Variants in ZYG11A observed in about 807,000 individuals in gnomAD.
ZYG11A encodes the protein zyg-11 family member A, cell cycle regulator.
Under a neutral mutation model 77.2 loss-of-function variants are expected in ZYG11A, and 62 were observed. The ratio of observed to expected loss-of-function variants is 0.80; its 90% CI spans 0.65 to 0.99. The LOEUF is 0.99. Among genes scored for constraint, ZYG11A ranks in the 50% least tolerant of loss-of-function variants. The pLI is 0.00. For synonymous variants in ZYG11A, 315 were observed against 324.6 expected (o/e 0.97, Z 0.32); for missense variants, 828 against 896.8 (o/e 0.92, Z 0.98).
chr1:52,877,575 C>T (rs1339643364), intron 8 of ZYG11A, 107 bp from the exon 9 acceptor site: 1 of 866,530 alleles, frequency 1.2e-6, no homozygotes, highest in South Asian at 2.0e-5. Flanking sequence ...AGTGGCAGAA[C>T]TTGGGTTTAG....
In ZYG11A at chr1:52,894,175, A is replaced by G. The variant is rs910312099; in HGVS notation, c.*1218A>G. 6.6e-6 allele frequency: 1 copy of G among 152,136 alleles called. No homozygotes were observed. The highest frequency in any genetic ancestry group is 2.4e-5 in the African/African-American group (1 of 41,414). The allele number at this position is 152,136 out of a possible 1,614,324, so 9.4% of individuals were successfully genotyped here. On this transcript the variant is annotated 3_prime_UTR_variant, in exon 14 of 14. Transcript: ENST00000371528. ...GTTATGTGAGCATGACATGCTGTGT[A>G]TGTGAGTGAGCTTGTAGGGCGTGGT...
chr1:52,869,954 C>CG lies in ZYG11A; in HGVS notation c.1542+2183dup, dbSNP rs552529799. On this transcript the variant is annotated intron_variant, in intron 8 of 13. Coordinates refer to ENST00000371528, the MANE Select transcript of ZYG11A (RefSeq NM_001004339.3). ...CTCCCAGACAGGGTGGCTGGCCGGG[C>CG]GGGGGGCTGACCCCCCCCCACCCCC... Among the ~76,000 whole-genome samples the CG allele has an allele frequency of 3.0e-4, 38 of 127,698 alleles. 4 individuals are homozygous for CG. The South Asian group carries it at 9.8e-3, about 33-fold the overall frequency. The allele number at this position is 127,698 out of a possible 152,430, so 83.8% of individuals were successfully genotyped here. A position where few individuals can be genotyped will look rare whatever the true frequency, so the allele number is the denominator to read the frequency against.
At position 52,885,889 on chromosome 1, in the gene ZYG11A, C is replaced by CTAT. The variant is rs1646441033; in HGVS notation, c.2002_2004dup (p.Tyr668dup). The CTAT allele has an allele frequency of 6.5e-7, 1 of 1,540,614 alleles. No homozygotes were observed. Among genetic ancestry groups the CTAT allele is most frequent in the Non-Finnish European group, 8.8e-7 (1 of 1,142,682 alleles). ...GTTGTAAGATGACAGCATTGGTGAC[C>CTAT]TATAGGTAATTTCATGGTGTTGTGC... On this transcript the variant is annotated inframe_insertion, in exon 12 of 14. Transcript: ENST00000371528.
chr1:52,866,705 C>G (rs1646033257), intron 6 of ZYG11A, 138 bp downstream of exon 6: 3 of 536,912 alleles, frequency 5.6e-6, no homozygotes, highest in African/African-American at 3.9e-5. Flanking sequence ...TTAGAAGTAC[C>G]CTACTAGAAA....
At chr1:52,859,787 C>T (rs1321475483) in intron 3 of ZYG11A, among the ~76,000 whole-genome samples, 1 of 146,680 alleles carries the variant, frequency 6.8e-6, no homozygotes, top group Admixed American at 7.1e-5. Context: ...AAGTGATTCT[C>T]CTGGCTCAGC....
At chr1:52,866,470 T>C in intron 5 of ZYG11A, 33 bp from the exon 6 acceptor site, 1 of 1,207,156 alleles carries the variant, frequency 8.3e-7, no homozygotes, top group Non-Finnish European at 1.2e-6. Context: ...ATGTTACATT[T>C]GTTCAAAATT....
At chr1:52,869,967 C>G (rs1018362809) in intron 8 of ZYG11A, among the ~76,000 whole-genome samples, 5 of 146,216 alleles carry the variant, frequency 3.4e-5, no homozygotes, top group Admixed American at 2.7e-4. Context: ...GGGGCTGACC[C>G]CCCCCCACCC....
In ZYG11A at chr1:52,857,892, T is replaced by G. The variant is rs143602347; in HGVS notation, c.1008+143T>G. 1.7e-3 allele frequency: 1,005 copies of G among 594,776 alleles called. 10 individuals are homozygous for G. In the African/African-American group the frequency reaches 0.017, roughly 10 times the overall value. The allele number at this position is 594,776 out of a possible 1,614,324, so 36.8% of individuals were successfully genotyped here. A position where few individuals can be genotyped will look rare whatever the true frequency, so the allele number is the denominator to read the frequency against. On this transcript the variant is annotated intron_variant, in intron 3 of 13. Coordinates refer to ENST00000371528, the MANE Select transcript of ZYG11A (RefSeq NM_001004339.3). ...AAGAGCTTTTTTAATAATTAATGAT[T>G]ATTATGTACCTACTATGTGGAAGGT...
chr1:52,842,996 C>G, intron 1 of ZYG11A, 23 bp downstream of exon 1: 2 of 1,494,142 alleles, frequency 1.3e-6, no homozygotes, highest in Non-Finnish European at 1.8e-6. Flanking sequence ...GTGCGGGCGG[C>G]GACGCGGACC....
intron 13 of ZYG11A, among the ~76,000 whole-genome samples, chr1:52,888,154 A>C (rs1456905261): frequency 6.6e-6 from 1 of 152,236 alleles, no homozygotes; most frequent in Non-Finnish European, 1.5e-5. Flanking sequence ...GACATGCAGT[A>C]AACTATGAGA....
intron 4 of ZYG11A, among the ~76,000 whole-genome samples, chr1:52,861,604 T>G (rs1481378667): frequency 6.6e-6 from 1 of 152,114 alleles, no homozygotes; most frequent in Admixed American, 6.6e-5. Flanking sequence ...CTTGGGAGAC[T>G]GAGGCAGGAG....
intron 4 of ZYG11A, among the ~76,000 whole-genome samples, chr1:52,861,653 G>C (rs150393060): frequency 6.6e-6 from 1 of 151,984 alleles, no homozygotes; most frequent in Non-Finnish European, 1.5e-5. Flanking sequence ...GCAGTGAGCC[G>C]AGATTGTGCC....
chr1:52,854,359 A>G, intron 1 of ZYG11A, 106 bp from the exon 2 acceptor site: 2 of 1,032,482 alleles, frequency 1.9e-6, no homozygotes, highest in Non-Finnish European at 1.3e-6. Flanking sequence ...TGAAGGATGT[A>G]TCTTCAGATA....
intron 1 of ZYG11A, among the ~76,000 whole-genome samples, chr1:52,848,915 A>G (rs2149986001): frequency 6.6e-6 from 1 of 152,284 alleles, no homozygotes; most frequent in East Asian, 1.9e-4. Flanking sequence ...CATCAAATTT[A>G]TTTTACTATT....
chr1:52,851,929 T>TG (rs1189392432), intron 1 of ZYG11A, among the ~76,000 whole-genome samples: 2 of 150,292 alleles, frequency 1.3e-5, no homozygotes, highest in African/African-American at 2.5e-5. Flanking sequence ...TTTTTTTTTT[T>TG]TTAATGATGG....
chr1:52,884,253 T>C (rs149202550), intron 11 of ZYG11A, among the ~76,000 whole-genome samples: 4,228 of 150,438 alleles, frequency 0.028, 219 homozygotes, highest in African/African-American at 0.098. Context: ...TCCCAGCACT[T>C]TGGGAGGCCG....
chr1:52,871,015 T>TA (rs1646153347), intron 8 of ZYG11A, among the ~76,000 whole-genome samples: 1 of 152,228 alleles, frequency 6.6e-6, no homozygotes, highest in Non-Finnish European at 1.5e-5. Context: ...TGGCATGGTT[T>TA]ATGATGCAAT....
Position 52,892,975 on chromosome 1 carries a change from G to A in ZYG11A, c.*18G>A. ...CCTTCTGAACCTAAGGAATTTCAGA[G>A]GTGTGTGCTCTTCCTCAATGTCAGG... On this transcript the variant is annotated 3_prime_UTR_variant, in exon 14 of 14. Transcript: ENST00000371528. The A allele has an allele frequency of 3.2e-6, 5 of 1,546,944 alleles. No individual in the cohort carries two copies. The highest frequency in any genetic ancestry group is 1.7e-4 in the Middle Eastern group (1 of 5,846).
intron 13 of ZYG11A, among the ~76,000 whole-genome samples, chr1:52,887,438 T>A (rs1423677743): frequency 6.6e-6 from 1 of 152,142 alleles, no homozygotes; most frequent in Non-Finnish European, 1.5e-5. Context: ...TAGCTTGGTC[T>A]TTTCACTCAA....
Sources: gnomAD v4.1 joint callset for allele counts (sites outside exome capture counted in the v4.1 genomes callset) on GRCh38, gnomAD v4.1.1 for gene constraint, MANE v1.5 for transcripts, NCBI Gene and HGNC (gene_info 2026-07-23, HGNC 2026-07-21) for gene names.